The following CEP120 variants were observed in gnomAD, a reference collection of about 807,000 sequenced individuals.
CEP120 encodes the protein centrosomal protein of 120 kDa.
A neutral mutation model predicts 126.5 loss-of-function variants in CEP120; 113 were observed. That is an observed-to-expected ratio of 0.89 (90% confidence interval 0.77 to 1.04). CEP120 has a LOEUF of 1.04. Among genes scored for constraint, CEP120 ranks in the 50% least tolerant of loss-of-function variants. CEP120 has a pLI of 0.00. For missense variants in CEP120, 1,230 were observed against 1,155.7 expected (o/e 1.06, Z -0.93); for synonymous variants, 400 against 394.3 (o/e 1.01, Z -0.17).
At chr5:123,408,827 A>G (rs903070945) in intron 4 of CEP120, among the ~76,000 whole-genome samples, 1 of 152,216 alleles carries the variant, frequency 6.6e-6, no homozygotes, top group African/African-American at 2.4e-5. Context: ...AAGAAAACAA[A>G]CAAAAAATAC....
At chr5:123,420,472 G>A (rs1231144783) in intron 1 of CEP120, among the ~76,000 whole-genome samples, 1 of 152,120 alleles carries the variant, frequency 6.6e-6, no homozygotes, top group Non-Finnish European at 1.5e-5. Flanking sequence ...AACTCTTAAG[G>A]ACTGTAGTCC....
At chr5:123,374,866 C>T (rs1580669614) in intron 16 of CEP120, among the ~76,000 whole-genome samples, 1 of 152,078 alleles carries the variant, frequency 6.6e-6, no homozygotes, top group Non-Finnish European at 1.5e-5. Flanking sequence ...ATTCTTGTTA[C>T]AATTGGGCTA....
rs1258674939 is a variant in CEP120, at chr5:123,402,063, T to C, written c.464-2779A>G. 1.9e-6 allele frequency: 3 copies of C among 1,591,864 alleles called. No individual in the cohort carries two copies. In the African/African-American group the frequency reaches 4.0e-5, roughly 21 times the overall value. On this transcript the variant is annotated intron_variant, in intron 4 of 19. Transcript: ENST00000306467. ...AAACTTGTTGTTGAGGGTCTTGATC[T>C]GCTCCTTCTCCTGGGTGCACACAGC...
intron 18 of CEP120, among the ~76,000 whole-genome samples, chr5:123,354,273 A>G (rs1024452653): frequency 3.3e-5 from 5 of 152,146 alleles, no homozygotes; most frequent in Non-Finnish European, 5.9e-5. Flanking sequence ...AACATATTCT[A>G]AATTACAATC....
chr5:123,376,678 T>A (rs1771247882), intron 16 of CEP120, among the ~76,000 whole-genome samples: 1 of 152,052 alleles, frequency 6.6e-6, no homozygotes. Flanking sequence ...TTAAATGCCT[T>A]TAAGACATCT....
In CEP120 at chr5:123,350,035, G is replaced by T; in HGVS notation, c.2635C>A (p.Gln879Lys). Residue 879 changes from glutamine to lysine, a missense_variant, in exon 19 of 20, where the codon CAG (glutamine) becomes AAG (lysine). Physicochemically the swap from Gln to Lys is moderately conservative, Grantham distance 53. Coordinates refer to ENST00000306467, the MANE Select transcript of CEP120 (RefSeq NM_001375405.1). ...RLKKQQEELEQMRLRYLAAEE... is the reference protein window; with the variant it reads ...RLKKQQEELEKMRLRYLAAEE... ...GCGGCAAGGTAACGTAGTCTCATCT[G>T]TTCCAATTCTTCCTGCTGTTTTTTA... 1.2e-6 allele frequency: 2 copies of T among 1,613,220 alleles called. No individual in the cohort carries two copies. Among genetic ancestry groups the T allele is most frequent in the Non-Finnish European group, 1.7e-6 (2 of 1,179,678 alleles).
chr5:123,368,334 G>A (rs886996692), intron 17 of CEP120, among the ~76,000 whole-genome samples: 5 of 151,918 alleles, frequency 3.3e-5, no homozygotes, highest in Admixed American at 2.6e-4. Flanking sequence ...GAACTTGGGA[G>A]AATCCATGTG....
intron 4 of CEP120, among the ~76,000 whole-genome samples, chr5:123,411,094 G>A (rs1331914667): frequency 6.6e-6 from 1 of 152,170 alleles, no homozygotes; most frequent in Admixed American, 6.5e-5. Flanking sequence ...AACATCCTAT[G>A]TCATTGAGGA....
chr5:123,408,552 T>C (rs1040314343), intron 4 of CEP120, among the ~76,000 whole-genome samples: 2 of 152,094 alleles, frequency 1.3e-5, no homozygotes, highest in South Asian at 2.1e-4. Context: ...AGACACAATA[T>C]GCCAAAACTC....
chr5:123,358,530 T>C (rs574357620), intron 18 of CEP120: 8 of 152,224 alleles, frequency 5.3e-5, no homozygotes, highest in African/African-American at 1.7e-4. Context: ...ATTTTTACAA[T>C]GAGTAAATAT....
At chr5:123,386,722 T>G in intron 9 of CEP120, 55 bp from the exon 10 acceptor site, 1 of 1,259,190 alleles carries the variant, frequency 7.9e-7, no homozygotes, top group East Asian at 2.8e-5. Flanking sequence ...GGTTTACAGA[T>G]GACATTCAGT....
Position 123,414,971 on chromosome 5 carries a change from C to CAAAAAAAAAAAAA in CEP120, c.321+1026_321+1038dup, listed in dbSNP as rs56756568. On this transcript the variant is annotated intron_variant, in intron 3 of 19. Transcript: ENST00000306467. ...TGGGCAACAGAGCAAGACTCCATCTCAAAAAAAAAAAAAAAAAAAAAAAAA... is the reference window on the plus strand; with the variant it reads ...TGGGCAACAGAGCAAGACTCCATCTCAAAAAAAAAAAAAAAAAAAAAAAAAAAAAAAAAAAAAA... Among the ~76,000 whole-genome samples the CAAAAAAAAAAAAA allele has an allele frequency of 2.2e-4, 9 of 40,662 alleles. 1 individual carries two copies. The highest frequency in any genetic ancestry group is 1.5e-3 in the South Asian group (1 of 660). The allele number at this position is 40,662 out of a possible 152,430, so 26.7% of individuals were successfully genotyped here. A position where few individuals can be genotyped will look rare whatever the true frequency, so the allele number is the denominator to read the frequency against.
intron 17 of CEP120, among the ~76,000 whole-genome samples, chr5:123,368,288 G>A (rs1770614181): frequency 6.6e-6 from 1 of 151,842 alleles, no homozygotes; most frequent in African/African-American, 2.4e-5. Context: ...ATTTCCCCAG[G>A]GTAAAATGGA....
At chr5:123,382,324 CTAA>C in intron 13 of CEP120, 124 bp from the exon 14 acceptor site, 1 of 154,152 alleles carries the variant, frequency 6.5e-6, no homozygotes, top group East Asian at 1.1e-4. Flanking sequence ...CTTTTTTATT[CTAA>C]AAAAAAAAAA....
At position 123,346,537 on chromosome 5, in the gene CEP120, T is replaced by G. The variant is rs1388103552; in HGVS notation, c.2943A>C (p.Lys981Asn). Residue 981 changes from lysine (K) to asparagine (N), a missense_variant, in exon 20 of 20, where the codon AAA becomes AAC. By Grantham distance (94) the Lys-to-Asn change is moderately conservative (BLOSUM62 0). Coordinates refer to ENST00000306467, the MANE Select transcript of CEP120 (RefSeq NM_001375405.1). ...LDRQIREILAKSNASN is the reference protein window; with the variant it reads ...LDRQIREILANSNASN ...AATGTTATTAATTACTGGCATTGCT[T>G]TTTGCCAAAATCTCTCTGATCTGTC... is the stretch of plus-strand genomic sequence containing the variant. 2.5e-6 allele frequency: 4 copies of G among 1,611,694 alleles called. No homozygotes were observed. The highest frequency in any genetic ancestry group is 3.4e-5 in the Admixed American group (2 of 59,266).
chr5:123,422,780 T>A (rs1288132348), intron 1 of CEP120, among the ~76,000 whole-genome samples, 170 bp downstream of exon 1: 1 of 152,200 alleles, frequency 6.6e-6, no homozygotes. Flanking sequence ...CTGGAGAGAT[T>A]TTTAAATCAA....
intron 5 of CEP120, among the ~76,000 whole-genome samples, chr5:123,393,863 T>A (rs1772574486): frequency 6.6e-6 from 1 of 152,244 alleles, no homozygotes; most frequent in Non-Finnish European, 1.5e-5. Flanking sequence ...TCCTCAGCCA[T>A]CAGAGGCTCT....
intron 18 of CEP120, among the ~76,000 whole-genome samples, chr5:123,363,877 T>G (rs556707925): frequency 6.6e-6 from 1 of 151,658 alleles, no homozygotes; most frequent in East Asian, 1.9e-4. Flanking sequence ...TTAGGTCAGT[T>G]AGGGTTAGAT....
chr5:123,398,333 T>C (rs1196134829), intron 5 of CEP120, among the ~76,000 whole-genome samples: 1 of 152,154 alleles, frequency 6.6e-6, no homozygotes, highest in Non-Finnish European at 1.5e-5. Context: ...CCATGAGCCC[T>C]GAGCATCCCT....
Sources: gnomAD v4.1 joint callset for allele counts (sites outside exome capture counted in the v4.1 genomes callset) on GRCh38, gnomAD v4.1.1 for gene constraint, MANE v1.5 for transcripts, NCBI Gene and HGNC (gene_info 2026-07-23, HGNC 2026-07-21) for gene names.